Variants in ZNRF3 observed in about 807,000 individuals in gnomAD.
ZNRF3 encodes E3 ubiquitin-protein ligase ZNRF3.
In ZNRF3, 23 loss-of-function variants were observed where a neutral mutation model predicts 72.5. That is an observed-to-expected ratio of 0.32 (90% CI 0.23 to 0.45). ZNRF3 has a LOEUF of 0.45. Ranked by LOEUF, ZNRF3 falls within the 20% of genes least tolerant of loss-of-function variation. The probability of loss-of-function intolerance (pLI) is 1.00; values close to 1 mark genes in which losing one functional copy is unlikely to be tolerated. For synonymous variants in ZNRF3, 610 were observed against 545.3 expected, an observed-to-expected ratio of 1.12 and a Z score of -1.65; for missense variants, 1,169 against 1,272.1, an observed-to-expected ratio of 0.92 and a Z score of 1.23.
chr22:28,958,613 G>T (rs959348359), intron 1 of ZNRF3, among the ~76,000 whole-genome samples: 5 of 152,178 alleles, frequency 3.3e-5, no homozygotes, highest in African/African-American at 1.2e-4. Context: ...GAGTTGTAAA[G>T]ACCGAACACT....
At chr22:29,003,513 CAAA>C (rs796336147) in intron 2 of ZNRF3, among the ~76,000 whole-genome samples, 7 of 103,184 alleles carry the variant, frequency 6.8e-5, no homozygotes, top group Non-Finnish European at 8.3e-5. Flanking sequence ...GACTCCGACT[CAAA>C]AAAAAAAAAA....
chr22:28,925,735 G>C (rs2034588831), intron 1 of ZNRF3, among the ~76,000 whole-genome samples: 1 of 152,196 alleles, frequency 6.6e-6, no homozygotes, highest in Non-Finnish European at 1.5e-5. Context: ...CCAGGCTGGA[G>C]TTCAGTGGAG....
At chr22:28,937,173 TAA>T (rs1491568086) in intron 1 of ZNRF3, among the ~76,000 whole-genome samples, 5 of 95,516 alleles carry the variant, frequency 5.2e-5, no homozygotes, top group African/African-American at 1.7e-4. Context: ...TTCTCTCTTA[TAA>T]TATATATATA....
At chr22:28,900,670 G>T (rs2034085135) in intron 1 of ZNRF3, among the ~76,000 whole-genome samples, 2 of 152,140 alleles carry the variant, frequency 1.3e-5, no homozygotes, top group African/African-American at 4.8e-5. Context: ...CACAAAAAAA[G>T]TAAAAACCCC....
chr22:28,967,125 A>C (rs1210853586), intron 1 of ZNRF3, among the ~76,000 whole-genome samples: 9 of 152,066 alleles, frequency 5.9e-5, no homozygotes, highest in Non-Finnish European at 1.0e-4. Context: ...CAGGTGATCC[A>C]CCCACCTTGG....
At chr22:29,002,670 A>G (rs1046509509) in intron 2 of ZNRF3, among the ~76,000 whole-genome samples, 1 of 152,240 alleles carries the variant, frequency 6.6e-6, no homozygotes, top group Non-Finnish European at 1.5e-5. Flanking sequence ...AGAAGGGGAT[A>G]TAGGTGTCTT....
At chr22:28,994,054 A>C (rs1172702301) in intron 2 of ZNRF3, among the ~76,000 whole-genome samples, 4 of 152,094 alleles carry the variant, frequency 2.6e-5, no homozygotes, top group African/African-American at 9.7e-5. Context: ...TAAAGGAGAT[A>C]ATGTATATCA....
intron 1 of ZNRF3, among the ~76,000 whole-genome samples, chr22:28,971,645 C>G (rs1367147385): frequency 1.3e-5 from 2 of 152,162 alleles, no homozygotes; most frequent in Non-Finnish European, 2.9e-5. Context: ...AGGAAACAAC[C>G]TTGGGGAAAT....
intron 1 of ZNRF3, among the ~76,000 whole-genome samples, chr22:28,976,574 C>T (rs2035678795): frequency 6.6e-6 from 1 of 152,138 alleles, no homozygotes; most frequent in African/African-American, 2.4e-5. Flanking sequence ...AGTTCAGCAT[C>T]ATGTAGTTTG....
intron 1 of ZNRF3, among the ~76,000 whole-genome samples, chr22:28,971,189 TA>T (rs1296907192): frequency 6.6e-6 from 1 of 151,710 alleles, no homozygotes; most frequent in Non-Finnish European, 1.5e-5. Context: ...ACCCTGTCTC[TA>T]AAAAAATGTT....
rs753735903 is a variant in ZNRF3, at chr22:29,056,043, C to A, written c.*2421C>A. 4 of 151,696 alleles carry A rather than the reference C, an allele frequency of 2.6e-5. No individual in the cohort carries two copies. The highest frequency in any genetic ancestry group is 4.4e-5 in the Non-Finnish European group (3 of 68,004). 9.4% of individuals were successfully genotyped at this position (151,696 alleles called of 1,614,324 possible). Reference sequence around the variant, plus strand: ...AAAGAAACCCATTTAATTTTTGTAGCTTACAGGTGGTAGAAACAAAAATGC... The same window carrying A: ...AAAGAAACCCATTTAATTTTTGTAGATTACAGGTGGTAGAAACAAAAATGC... On this transcript the variant is annotated 3_prime_UTR_variant, in exon 9 of 9. Coordinates refer to ENST00000544604, the MANE Select transcript of ZNRF3 (RefSeq NM_001206998.2).
chr22:28,991,279 C>CAAAA, intron 2 of ZNRF3, among the ~76,000 whole-genome samples: 28 of 51,662 alleles, frequency 5.4e-4, no homozygotes, highest in African/African-American at 8.1e-4. Context: ...GACCCTCTCT[C>CAAAA]AAAAAAAAAA....
chr22:28,933,650 C>G (rs866766487), intron 1 of ZNRF3, among the ~76,000 whole-genome samples: 42 of 152,000 alleles, frequency 2.8e-4, no homozygotes, highest in Middle Eastern at 3.4e-3. Flanking sequence ...CAAAGAAACT[C>G]TGGCCTTGTG....
intron 1 of ZNRF3, among the ~76,000 whole-genome samples, chr22:28,891,925 A>G (rs1216982325): frequency 6.6e-6 from 1 of 152,188 alleles, no homozygotes. Flanking sequence ...CTTGACATAT[A>G]TAACTGTCAC....
At chr22:28,946,362 T>C in intron 1 of ZNRF3, among the ~76,000 whole-genome samples, 1 of 152,226 alleles carries the variant, frequency 6.6e-6, no homozygotes, top group African/African-American at 2.4e-5. Context: ...CCTTTTTTCT[T>C]TGTGTGAGAG....
intron 2 of ZNRF3, among the ~76,000 whole-genome samples, chr22:29,019,407 G>A (rs2123858583): frequency 6.6e-6 from 1 of 152,266 alleles, no homozygotes; most frequent in Middle Eastern, 3.4e-3. Context: ...AGTAAAGATT[G>A]AAGATTACAA....
intron 1 of ZNRF3, among the ~76,000 whole-genome samples, chr22:28,935,377 A>G (rs952076249): frequency 3.9e-5 from 6 of 152,150 alleles, no homozygotes; most frequent in African/African-American, 1.4e-4. Context: ...CCGTGTGGTG[A>G]AGCCTACTCG....
At chr22:28,903,296 AGCCTG>A (rs1471640169) in intron 1 of ZNRF3, among the ~76,000 whole-genome samples, 1 of 152,148 alleles carries the variant, frequency 6.6e-6, no homozygotes, top group East Asian at 1.9e-4. Flanking sequence ...TTTCTAGGCC[AGCCTG>A]CTTGTTGTTC....
chr22:28,952,769 A>T (rs2035188234), intron 1 of ZNRF3, among the ~76,000 whole-genome samples: 1 of 152,196 alleles, frequency 6.6e-6, no homozygotes. Context: ...CTCTGGAATT[A>T]GGAGTTTATG....
Sources: gnomAD v4.1 joint callset for allele counts (sites outside exome capture counted in the v4.1 genomes callset) on GRCh38, gnomAD v4.1.1 for gene constraint, MANE v1.5 for transcripts, NCBI Gene and HGNC (gene_info 2026-07-23, HGNC 2026-07-21) for gene names.